The following MINDY4 variants were observed in gnomAD, a reference collection of about 807,000 sequenced individuals.
MINDY4 encodes the protein probable ubiquitin carboxyl-terminal hydrolase MINDY-4.
In MINDY4, 68 loss-of-function variants were observed where a neutral mutation model predicts 87.0. The observed-to-expected ratio is 0.78, with a 90% confidence interval of 0.64 to 0.96. The LOEUF (loss-of-function observed/expected upper bound fraction) is 0.96, where lower values mean the gene tolerates loss of function less well. MINDY4 is among the 40% of genes least tolerant of loss of function. MINDY4 has a pLI of 0.00. For synonymous variants in MINDY4, 379 were observed against 363.2 expected (o/e 1.04, Z -0.50); for missense variants, 919 against 928.2 (o/e 0.99, Z 0.13).
chr7:30,814,718 A>G (rs1214263894), intron 5 of MINDY4, among the ~76,000 whole-genome samples: 1 of 152,220 alleles, frequency 6.6e-6, no homozygotes, highest in Non-Finnish European at 1.5e-5. Context: ...AGGGAAGGTG[A>G]ATATTTGCCC....
At chr7:30,796,142 T>C (rs1787481809) in intron 5 of MINDY4, among the ~76,000 whole-genome samples, 1 of 151,832 alleles carries the variant, frequency 6.6e-6, no homozygotes, top group Admixed American at 6.6e-5. Context: ...TTTGTCTCAC[T>C]ATGGTTTTTA....
Position 30,785,889 on chromosome 7 carries a change from C to A in MINDY4, c.560C>A (p.Ser187Ter). ...TGGGAGAAGATAGACAAGCTTCACT[C>A]GGAGCCTTCCTTGGATGTGAAGAGG... Reference protein sequence around the residue: ...SAWEKIDKLHSEPSLDVKRMG... With the variant: ...SAWEKIDKLH Residue 187 changes from serine to a stop codon, truncating the protein, a stop_gained, in exon 4 of 18, where the codon TCG becomes TAG. Coordinates refer to ENST00000265299, the MANE Select transcript of MINDY4 (RefSeq NM_032222.3). LOFTEE classifies it high-confidence loss of function. The A allele has an allele frequency of 6.2e-7, 1 of 1,614,186 alleles. No individual in the cohort carries two copies. Among genetic ancestry groups the A allele is most frequent in the Non-Finnish European group, 8.5e-7 (1 of 1,180,032 alleles).
chr7:30,846,105 C>A (rs1044225660), intron 9 of MINDY4, among the ~76,000 whole-genome samples: 1 of 152,132 alleles, frequency 6.6e-6, no homozygotes, highest in Non-Finnish European at 1.5e-5. Context: ...TTGGGGAATT[C>A]GAGGCCCAGA....
At chr7:30,890,750 A>G (rs770655625) in intron 17 of MINDY4, among the ~76,000 whole-genome samples, 3 of 152,178 alleles carry the variant, frequency 2.0e-5, no homozygotes, top group African/African-American at 2.4e-5. Context: ...CCTAGGAAAG[A>G]AAGAAAGAGA....
At chr7:30,806,063 T>G (rs868743026) in intron 5 of MINDY4, among the ~76,000 whole-genome samples, 4 of 152,210 alleles carry the variant, frequency 2.6e-5, no homozygotes, top group Admixed American at 6.5e-5. Flanking sequence ...GTTCCTGAAG[T>G]GCCTTTTAAA....
intron 13 of MINDY4, 35 bp downstream of exon 13, chr7:30,859,359 G>A: frequency 6.2e-7 from 1 of 1,603,580 alleles, no homozygotes; most frequent in African/African-American, 1.3e-5. Context: ...CCTGGGGCTG[G>A]GCTGGTCTGT....
chr7:30,803,529 G>C (rs1397576444), intron 5 of MINDY4: 3 of 152,138 alleles, frequency 2.0e-5, no homozygotes, highest in Non-Finnish European at 2.9e-5. Flanking sequence ...AGAGGGAGGG[G>C]GTTTTCTGGA....
chr7:30,892,044 C>G lies in MINDY4; in HGVS notation c.*39C>G. On this transcript the variant is annotated 3_prime_UTR_variant, in exon 18 of 18. Transcript: ENST00000265299. ...GTAAACCCTGTGGTCCACCACTCAT[C>G]ACCTCATCACCGAGGATGACAGCTG... 2 of 1,607,790 alleles carry G rather than the reference C, an allele frequency of 1.2e-6. No homozygotes were observed. The highest frequency in any genetic ancestry group is 1.7e-6 in the Non-Finnish European group (2 of 1,174,238).
At chr7:30,828,481 C>T (rs965223342) in intron 5 of MINDY4, among the ~76,000 whole-genome samples, 198 bp from the exon 6 acceptor site, 3 of 152,128 alleles carry the variant, frequency 2.0e-5, no homozygotes, top group Non-Finnish European at 4.4e-5. Context: ...AATCGACAAG[C>T]ATCATGGGGG....
chr7:30,778,786 C>A (rs1786907341), intron 2 of MINDY4, among the ~76,000 whole-genome samples: 1 of 152,204 alleles, frequency 6.6e-6, no homozygotes, highest in Non-Finnish European at 1.5e-5. Flanking sequence ...TTGTCGGGCT[C>A]ATTTTGAACA....
intron 16 of MINDY4, 77 bp downstream of exon 16, chr7:30,882,438 C>A: frequency 8.1e-7 from 1 of 1,234,438 alleles, no homozygotes. Flanking sequence ...ACCAGCCTTC[C>A]TATCCACCAC....
At chr7:30,819,678 T>C (rs1053832191) in intron 5 of MINDY4, among the ~76,000 whole-genome samples, 1 of 152,136 alleles carries the variant, frequency 6.6e-6, no homozygotes, top group Admixed American at 6.5e-5. Context: ...AGCATAGAGT[T>C]TCATGATGGC....
chr7:30,779,527 A>G (rs1189256634), intron 2 of MINDY4: 1 of 152,248 alleles, frequency 6.6e-6, no homozygotes, highest in African/African-American at 2.4e-5. Context: ...ATGATATCTC[A>G]TGTGGAAGTC....
At chr7:30,863,393 T>C (rs1316141801) in intron 13 of MINDY4, among the ~76,000 whole-genome samples, 2 of 152,140 alleles carry the variant, frequency 1.3e-5, no homozygotes, top group African/African-American at 4.8e-5. Flanking sequence ...TTGGTGACAC[T>C]GTATGGCCGG....
chr7:30,799,959 A>G (rs1787598819), intron 5 of MINDY4, among the ~76,000 whole-genome samples: 1 of 152,108 alleles, frequency 6.6e-6, no homozygotes, highest in South Asian at 2.1e-4. Flanking sequence ...AAGGCAAGGG[A>G]GTGAGCTTTT....
intron 5 of MINDY4, among the ~76,000 whole-genome samples, chr7:30,797,284 G>T (rs1331396053): frequency 6.6e-6 from 1 of 152,172 alleles, no homozygotes; most frequent in Non-Finnish European, 1.5e-5. Context: ...AGACGAGGCA[G>T]CCCACAATAA....
intron 5 of MINDY4, among the ~76,000 whole-genome samples, chr7:30,812,288 A>G (rs1398251772): frequency 3.4e-5 from 5 of 148,942 alleles, no homozygotes; most frequent in Non-Finnish European, 7.4e-5. Flanking sequence ...GGGGGTATGT[A>G]TGTATGCATT....
intron 12 of MINDY4, among the ~76,000 whole-genome samples, chr7:30,854,097 A>C (rs1789499125): frequency 6.6e-6 from 1 of 152,172 alleles, no homozygotes; most frequent in Non-Finnish European, 1.5e-5. Flanking sequence ...GAGCTGTGGT[A>C]TCACAGACTC....
chr7:30,850,351 C>A (rs1021039212), intron 9 of MINDY4, 103 bp from the exon 10 acceptor site: 2 of 1,073,884 alleles, frequency 1.9e-6, no homozygotes, highest in African/African-American at 1.6e-5. Flanking sequence ...AGAGAAAGAA[C>A]AGGCCATCTG....
Sources: allele counts gnomAD v4.1 joint callset (sites outside exome capture counted in the v4.1 genomes callset), GRCh38; gene constraint gnomAD v4.1.1; transcripts MANE v1.5; gene names NCBI Gene and HGNC (gene_info 2026-07-23, HGNC 2026-07-21).